Variants in ZRANB3 observed in about 807,000 individuals in gnomAD.
The protein encoded by ZRANB3 is DNA annealing helicase and endonuclease ZRANB3.
A neutral mutation model predicts 133.8 loss-of-function variants in ZRANB3; 125 were observed. The ratio of observed to expected loss-of-function variants is 0.93; its 90% CI spans 0.81 to 1.08. The LOEUF (loss-of-function observed/expected upper bound fraction) is 1.08. Ranked by LOEUF, ZRANB3 falls within the 50% of genes least tolerant of loss-of-function variation. ZRANB3 has a pLI of 0.00. For synonymous variants in ZRANB3, 387 were observed against 432.7 expected (o/e 0.89, Z 1.31); for missense variants, 1,229 against 1,275.5 (o/e 0.96, Z 0.56).
At chr2:135,435,052 G>A (rs545667344) in intron 2 of ZRANB3, among the ~76,000 whole-genome samples, 185 of 151,260 alleles carry the variant, frequency 1.2e-3, no homozygotes, top group Non-Finnish European at 2.3e-3. Flanking sequence ...GTAAACATTC[G>A]TCACAGGGGT....
intron 2 of ZRANB3, among the ~76,000 whole-genome samples, chr2:135,460,168 A>G (rs542170543): frequency 2.0e-5 from 3 of 152,274 alleles, no homozygotes; most frequent in Admixed American, 2.0e-4. Context: ...ACAATGTTTT[A>G]CACCTGTAGC....
intron 2 of ZRANB3, among the ~76,000 whole-genome samples, chr2:135,475,756 T>C (rs1228381665): frequency 2.6e-5 from 4 of 152,040 alleles, no homozygotes; most frequent in African/African-American, 9.7e-5. Context: ...AAAGAAAAAA[T>C]TAAAGTGGCT....
At chr2:135,228,055 C>T in intron 13 of ZRANB3, 40 bp from the exon 14 acceptor site, 1 of 1,426,456 alleles carries the variant, frequency 7.0e-7, no homozygotes, top group Non-Finnish European at 9.4e-7. Flanking sequence ...TAATAATTTA[C>T]ATTTAAAAGT....
chr2:135,478,379 T>G (rs973847050), intron 2 of ZRANB3, among the ~76,000 whole-genome samples: 1 of 151,990 alleles, frequency 6.6e-6, no homozygotes, highest in Non-Finnish European at 1.5e-5. Flanking sequence ...CAGAATATTA[T>G]CAGCACCCCC....
intron 8 of ZRANB3, among the ~76,000 whole-genome samples, chr2:135,287,180 T>C (rs1031972723): frequency 1.3e-5 from 2 of 152,248 alleles, no homozygotes; most frequent in African/African-American, 4.8e-5. Flanking sequence ...TAGAGTGTTC[T>C]TTCCCCACTT....
intron 2 of ZRANB3, among the ~76,000 whole-genome samples, chr2:135,463,459 C>A (rs1283422251): frequency 2.0e-5 from 3 of 151,540 alleles, no homozygotes; most frequent in Admixed American, 6.6e-5. Flanking sequence ...CTCTTGATGC[C>A]CAGGCTGGAG....
chr2:135,208,027 T>C (rs766968741), intron 18 of ZRANB3, among the ~76,000 whole-genome samples, 191 bp from the exon 19 acceptor site: 4 of 152,108 alleles, frequency 2.6e-5, no homozygotes, highest in Non-Finnish European at 5.9e-5. Context: ...GTTACAAAAA[T>C]TAATTGAATA....
intron 5 of ZRANB3, among the ~76,000 whole-genome samples, chr2:135,349,277 C>A (rs1350804095): frequency 6.6e-6 from 1 of 152,156 alleles, no homozygotes; most frequent in Non-Finnish European, 1.5e-5. Context: ...ACTTTCAAAG[C>A]AGTATTACCT....
chr2:135,240,394 G>A (rs1271197972), intron 12 of ZRANB3, among the ~76,000 whole-genome samples: 1 of 152,172 alleles, frequency 6.6e-6, no homozygotes, highest in African/African-American at 2.4e-5. Flanking sequence ...AAACAGCAAA[G>A]AGAGCTTGCA....
chr2:135,500,264 C>T (rs1292407361), intron 2 of ZRANB3, among the ~76,000 whole-genome samples: 1 of 152,134 alleles, frequency 6.6e-6, no homozygotes, highest in Admixed American at 6.5e-5. Flanking sequence ...TATGACCTAA[C>T]AATTCTTCTT....
At chr2:135,483,777 C>A (rs1691959416) in intron 2 of ZRANB3, among the ~76,000 whole-genome samples, 1 of 152,284 alleles carries the variant, frequency 6.6e-6, no homozygotes, top group African/African-American at 2.4e-5. Flanking sequence ...CTACACACTG[C>A]TTTGAATGCG....
At chr2:135,521,427 G>T (rs1310285274) in intron 1 of ZRANB3, among the ~76,000 whole-genome samples, 3 of 152,150 alleles carry the variant, frequency 2.0e-5, no homozygotes, top group African/African-American at 7.2e-5. Flanking sequence ...AGCTACTTGG[G>T]AGGCTGACAG....
At chr2:135,396,593 T>A in intron 2 of ZRANB3, among the ~76,000 whole-genome samples, 1 of 152,144 alleles carries the variant, frequency 6.6e-6, no homozygotes, top group East Asian at 1.9e-4. Flanking sequence ...TTCTCACTTA[T>A]GTGTGGGAAT....
intron 8 of ZRANB3, among the ~76,000 whole-genome samples, chr2:135,307,719 T>C (rs900518451): frequency 2.0e-5 from 3 of 152,156 alleles, no homozygotes; most frequent in Admixed American, 1.3e-4. Context: ...GAGGAAATGA[T>C]AGTTACATCC....
chr2:135,295,400 C>G (rs576046805), intron 8 of ZRANB3, among the ~76,000 whole-genome samples: 2,030 of 152,072 alleles, frequency 0.013, 41 homozygotes, highest in African/African-American at 0.046. Context: ...GGATTGCAAC[C>G]CCTGCCTTTT....
chr2:135,428,044 A>T (rs143449086), intron 2 of ZRANB3, among the ~76,000 whole-genome samples: 10 of 152,356 alleles, frequency 6.6e-5, no homozygotes, highest in Admixed American at 6.5e-4. Context: ...TCATACAAGA[A>T]AATCAACTCA....
At chr2:135,424,667 A>C (rs536525489) in intron 2 of ZRANB3, among the ~76,000 whole-genome samples, 42 of 152,352 alleles carry the variant, frequency 2.8e-4, no homozygotes, top group African/African-American at 9.1e-4. Flanking sequence ...TGGGATGCAG[A>C]GGTTGCAATG....
At position 135,264,579 on chromosome 2, in the gene ZRANB3, C is replaced by CG. The variant is rs1335658061; in HGVS notation, c.1539+954dup. Reference sequence around the variant, plus strand: ...AACACTCAGTAAAAAGTTTTGGGAACGGGGGGTCACATGCTTTGAAAGTGT... The same window carrying CG: ...AACACTCAGTAAAAAGTTTTGGGAACGGGGGGGTCACATGCTTTGAAAGTGT... On this transcript the variant is annotated intron_variant, in intron 12 of 20. Coordinates refer to ENST00000264159, the MANE Select transcript of ZRANB3 (RefSeq NM_032143.4). Among the ~76,000 whole-genome samples the CG allele has an allele frequency of 5.3e-5, 8 of 151,290 alleles. No homozygotes were observed. The South Asian group carries it at 6.3e-4, about 12-fold the overall frequency.
chr2:135,377,347 G>C (rs978341546), intron 3 of ZRANB3, among the ~76,000 whole-genome samples: 1 of 152,074 alleles, frequency 6.6e-6, no homozygotes, highest in Non-Finnish European at 1.5e-5. Context: ...AACCTAGAAG[G>C]ACACCCCTGG....
Sources: allele counts gnomAD v4.1 joint callset (sites outside exome capture counted in the v4.1 genomes callset), GRCh38; gene constraint gnomAD v4.1.1; transcripts MANE v1.5; gene names NCBI Gene and HGNC (gene_info 2026-07-23, HGNC 2026-07-21).